LMNTD1: variants seen among roughly 807,000 people sequenced by gnomAD.
LMNTD1 encodes lamin tail domain-containing protein 1.
A neutral mutation model predicts 50.9 loss-of-function variants in LMNTD1; 35 were observed. The observed-to-expected ratio is 0.69, with a 90% CI of 0.53 to 0.91. The LOEUF (loss-of-function observed/expected upper bound fraction) is 0.91. Among genes scored for constraint, LMNTD1 ranks in the 40% least tolerant of loss-of-function variants. LMNTD1 has a pLI of 0.00. For synonymous variants in LMNTD1, 153 were observed against 161.9 expected (o/e 0.94, Z 0.42); for missense variants, 470 against 475.5 (o/e 0.99, Z 0.11).
chr12:25,564,825 G>A (rs761314841), intron 1 of LMNTD1, among the ~76,000 whole-genome samples: 2 of 152,196 alleles, frequency 1.3e-5, no homozygotes, highest in Non-Finnish European at 2.9e-5. Context: ...TGAAAGTGGG[G>A]TGAAGTCTCT....
chr12:25,619,252 C>A (rs75782028), intron 1 of LMNTD1, among the ~76,000 whole-genome samples: 1,803 of 83,290 alleles, frequency 0.022, 24 homozygotes, highest in African/African-American at 0.051. Context: ...CTCTCTCTCT[C>A]TATATATATA....
At chr12:25,494,006 T>A (rs1026499665) in intron 9 of LMNTD1, among the ~76,000 whole-genome samples, 1 of 152,138 alleles carries the variant, frequency 6.6e-6, no homozygotes, top group African/African-American at 2.4e-5. Context: ...TTGCCAACCA[T>A]GTGAATGGGG....
intron 1 of LMNTD1, among the ~76,000 whole-genome samples, chr12:25,594,585 C>G (rs11048120): frequency 0.17 from 24,269 of 146,676 alleles, 2,570 homozygotes; most frequent in East Asian, 0.6. Flanking sequence ...GAAACAAATC[C>G]TGGGAACACA....
At chr12:25,490,003 A>G (rs537434665) in intron 9 of LMNTD1, among the ~76,000 whole-genome samples, 3 of 152,358 alleles carry the variant, frequency 2.0e-5, no homozygotes, top group Non-Finnish European at 2.9e-5. Context: ...TTTTTAAACT[A>G]TTTGACTGTA....
At chr12:25,530,041 A>G (rs905726595) in intron 4 of LMNTD1, among the ~76,000 whole-genome samples, 3 of 152,048 alleles carry the variant, frequency 2.0e-5, no homozygotes, top group Non-Finnish European at 4.4e-5. Flanking sequence ...TTTTCCTATC[A>G]TAGGTACAAA....
intron 9 of LMNTD1, among the ~76,000 whole-genome samples, chr12:25,496,542 A>T (rs1303561228): frequency 2.0e-5 from 3 of 152,194 alleles, no homozygotes. Flanking sequence ...GGAGTGTCCA[A>T]AAATGAGGAA....
chr12:25,523,130 T>C (rs1197283510), intron 6 of LMNTD1, among the ~76,000 whole-genome samples: 1 of 152,022 alleles, frequency 6.6e-6, no homozygotes, highest in African/African-American at 2.4e-5. Context: ...GCCTCCCAGG[T>C]TCAAGCAATT....
intron 1 of LMNTD1, among the ~76,000 whole-genome samples, chr12:25,558,996 T>A (rs1257780751): frequency 6.6e-6 from 1 of 152,040 alleles, no homozygotes; most frequent in Non-Finnish European, 1.5e-5. Context: ...TCTTTTTTTT[T>A]AGAATGCTAA....
chr12:25,630,568 G>A (rs1298200003), intron 1 of LMNTD1: 1 of 152,308 alleles, frequency 6.6e-6, no homozygotes, highest in Admixed American at 6.5e-5. Flanking sequence ...CTGAAGGTCT[G>A]TTTGCAGGAG....
At chr12:25,485,844 T>C (rs1938611789) in intron 9 of LMNTD1, among the ~76,000 whole-genome samples, 1 of 144,784 alleles carries the variant, frequency 6.9e-6, no homozygotes, top group Non-Finnish European at 1.5e-5. Context: ...CTGAGGGCTC[T>C]GTTCTGTTCC....
intron 9 of LMNTD1, among the ~76,000 whole-genome samples, chr12:25,485,045 G>C (rs1053831185): frequency 6.6e-6 from 1 of 151,722 alleles, no homozygotes; most frequent in African/African-American, 2.4e-5. Flanking sequence ...GGGTCAAATG[G>C]TATTTCTAGT....
At chr12:25,619,252 C>CTCTCTCTCTATATATA (rs1374134268) in intron 1 of LMNTD1, among the ~76,000 whole-genome samples, 14 of 84,448 alleles carry the variant, frequency 1.7e-4, no homozygotes, top group East Asian at 8.4e-4. Context: ...CTCTCTCTCT[C>CTCTCTCTCTATATATA]TATATATATA....
chr12:25,566,817 G>T (rs1944577104), intron 1 of LMNTD1, among the ~76,000 whole-genome samples: 2 of 152,176 alleles, frequency 1.3e-5, no homozygotes, highest in South Asian at 4.2e-4. Flanking sequence ...TTCACCAAAG[G>T]CAGATTATTC....
At chr12:25,576,658 T>A (rs558797387) in intron 1 of LMNTD1, among the ~76,000 whole-genome samples, 6 of 152,356 alleles carry the variant, frequency 3.9e-5, no homozygotes, top group South Asian at 4.1e-4. Flanking sequence ...TTCACTCTGA[T>A]GGTAGTTTCT....
intron 4 of LMNTD1, among the ~76,000 whole-genome samples, chr12:25,544,123 C>T (rs1412515396): frequency 1.3e-5 from 2 of 151,764 alleles, no homozygotes; most frequent in East Asian, 1.9e-4. Context: ...GATGTTTCTT[C>T]GTGATTTTTG....
chr12:25,551,501 C>T (rs1038756848), intron 2 of LMNTD1, among the ~76,000 whole-genome samples: 1 of 152,050 alleles, frequency 6.6e-6, no homozygotes, highest in Non-Finnish European at 1.5e-5. Context: ...GTGATCCTCC[C>T]GCCTCAGCCT....
At position 25,484,287 on chromosome 12, in the gene LMNTD1, C is replaced by G. The variant is rs535018115; in HGVS notation, c.*23-7827G>C. 3.3e-5 allele frequency among the ~76,000 whole-genome samples: 5 copies of G among 151,962 alleles called. No individual in the cohort carries two copies. The South Asian group carries it at 8.3e-4, about 25-fold the overall frequency. ...TTCGTTTTTTTGTTGTTTTAAGAGA[C>G]AGGGTCTCTCTATGTTGCCCAGGCT... On this transcript the variant is annotated intron_variant, in intron 9 of 9. Coordinates refer to ENST00000458174, the MANE Select transcript of LMNTD1 (RefSeq NM_001145728.2).
rs777740663 is a variant in LMNTD1 at position 25,526,749 on chromosome 12, A to G, written c.678+20T>C. The G allele has an allele frequency of 3.4e-5, 52 of 1,540,284 alleles. No homozygotes were observed. The highest frequency in any genetic ancestry group is 5.3e-5 in the Admixed American group (3 of 56,472). On this transcript the variant is annotated intron_variant, in intron 5 of 9. Coordinates refer to ENST00000458174, the MANE Select transcript of LMNTD1 (RefSeq NM_001145728.2). ...GTCCTGTACAATTCTAATGTACAGT[A>G]TTTATACTCTTATACTCACTGTTAC...
At chr12:25,637,225 A>C (rs1479018880) in intron 1 of LMNTD1, among the ~76,000 whole-genome samples, 1 of 152,190 alleles carries the variant, frequency 6.6e-6, no homozygotes, top group Non-Finnish European at 1.5e-5. Context: ...TCACCCATAC[A>C]TGGTGGGGAG....
Sources: gnomAD v4.1 joint callset for allele counts (sites outside exome capture counted in the v4.1 genomes callset) on GRCh38, gnomAD v4.1.1 for gene constraint, MANE v1.5 for transcripts, NCBI Gene and HGNC (gene_info 2026-07-23, HGNC 2026-07-21) for gene names.